Variants in TSPAN9 observed in about 807,000 individuals in gnomAD.
The protein encoded by TSPAN9 is tetraspanin-9.
In TSPAN9, 16 loss-of-function variants were observed where a neutral mutation model predicts 31.0. The ratio of observed to expected loss-of-function variants is 0.52; its 90% CI spans 0.35 to 0.78. The LOEUF (loss-of-function observed/expected upper bound fraction) is 0.78, where lower values mean the gene tolerates loss of function less well. TSPAN9 is among the 30% of genes least tolerant of loss of function. The pLI is 0.01. For missense variants in TSPAN9, 272 were observed against 312.5 expected (o/e 0.87, Z 0.98); for synonymous variants, 145 against 121.6 (o/e 1.19, Z -1.27).
At chr12:3,150,738 T>A (rs566820969) in intron 2 of TSPAN9, among the ~76,000 whole-genome samples, 1 of 152,192 alleles carries the variant, frequency 6.6e-6, no homozygotes, top group African/African-American at 2.4e-5. Flanking sequence ...TTCAGGGTGC[T>A]GAGTTCCAGG....
At chr12:3,160,246 G>A (rs771268710) in intron 2 of TSPAN9, among the ~76,000 whole-genome samples, 3 of 152,114 alleles carry the variant, frequency 2.0e-5, no homozygotes, top group Admixed American at 6.5e-5. Context: ...AGGTTTTCAG[G>A]GTTCATCCAT....
At chr12:3,257,155 T>A (rs1174032110) in intron 3 of TSPAN9, among the ~76,000 whole-genome samples, 1 of 152,052 alleles carries the variant, frequency 6.6e-6, no homozygotes, top group African/African-American at 2.4e-5. Context: ...GCTCTGTGGG[T>A]CTTGGGCTTT....
chr12:3,078,036 CAAG>C (rs2098295977), intron 1 of TSPAN9, among the ~76,000 whole-genome samples: 1 of 152,204 alleles, frequency 6.6e-6, no homozygotes, highest in African/African-American at 2.4e-5. Context: ...AAGATCCAAA[CAAG>C]AAACCGGCTT....
chr12:3,230,987 A>G (rs75111305), intron 3 of TSPAN9, among the ~76,000 whole-genome samples: 4,594 of 152,248 alleles, frequency 0.03, 215 homozygotes, highest in African/African-American at 0.1. Context: ...GGTGTATGCT[A>G]TAAAGGGCCC....
intron 2 of TSPAN9, among the ~76,000 whole-genome samples, chr12:3,152,915 C>T (rs1479620705): frequency 6.6e-6 from 1 of 152,210 alleles, no homozygotes; most frequent in Non-Finnish European, 1.5e-5. Flanking sequence ...TATGCTGCAT[C>T]AGAAGACAGG....
chr12:3,231,326 A>G (rs2098390661), intron 3 of TSPAN9, among the ~76,000 whole-genome samples: 1 of 152,134 alleles, frequency 6.6e-6, no homozygotes, highest in South Asian at 2.1e-4. Context: ...AGTTCACTTG[A>G]GCCCTAGGAT....
At chr12:3,155,280 T>C (rs1167528809) in intron 2 of TSPAN9, among the ~76,000 whole-genome samples, 2 of 152,012 alleles carry the variant, frequency 1.3e-5, no homozygotes, top group Non-Finnish European at 2.9e-5. Context: ...TCATGGGGTG[T>C]GGGAGAGGCA....
At chr12:3,281,133 A>G (rs1354793758) in intron 6 of TSPAN9, 65 bp from the exon 7 acceptor site, 12 of 1,543,646 alleles carry the variant, frequency 7.8e-6, no homozygotes, top group Non-Finnish European at 1.0e-5. Flanking sequence ...GGGCAGGGGA[A>G]GGCCCTGGGG....
At chr12:3,166,127 T>C (rs7967034) in intron 2 of TSPAN9, among the ~76,000 whole-genome samples, 226 of 152,310 alleles carry the variant, frequency 1.5e-3, no homozygotes, top group African/African-American at 5.2e-3. Flanking sequence ...TTGATGAAAA[T>C]GGTTGAAATG....
intron 2 of TSPAN9, among the ~76,000 whole-genome samples, chr12:3,184,433 GAGAAAGAA>G (rs1018548545): frequency 1.3e-5 from 2 of 151,582 alleles, no homozygotes; most frequent in Admixed American, 1.3e-4. Flanking sequence ...AAGAGAGAGA[GAGAAAGAA>G]AGAGAGAAAG....
chr12:3,227,995 C>G (rs370666151), intron 3 of TSPAN9, among the ~76,000 whole-genome samples: 1 of 152,138 alleles, frequency 6.6e-6, no homozygotes. Flanking sequence ...AGAAAGGCAG[C>G]TAAAATTCAT....
At chr12:3,231,830 C>T (rs562823692) in intron 3 of TSPAN9, among the ~76,000 whole-genome samples, 8 of 152,370 alleles carry the variant, frequency 5.3e-5, no homozygotes, top group Admixed American at 2.0e-4. Context: ...CACCCGCTGT[C>T]GCGTGCATGC....
chr12:3,222,109 C>T (rs1362171599), intron 3 of TSPAN9, among the ~76,000 whole-genome samples: 4 of 152,148 alleles, frequency 2.6e-5, no homozygotes, highest in Non-Finnish European at 5.9e-5. Flanking sequence ...ACAGGGTTCT[C>T]TAACTGTCTT....
intron 3 of TSPAN9, among the ~76,000 whole-genome samples, chr12:3,236,519 C>T (rs766666164): frequency 3.3e-5 from 5 of 152,186 alleles, no homozygotes; most frequent in Non-Finnish European, 7.3e-5. Flanking sequence ...CCTTCGCTGC[C>T]ACCAGGATGC....
chr12:3,104,684 C>T (rs1423048174), intron 2 of TSPAN9, among the ~76,000 whole-genome samples: 2 of 152,158 alleles, frequency 1.3e-5, no homozygotes, highest in African/African-American at 2.4e-5. Context: ...AAGTGCTTAT[C>T]GTGTGCCTGG....
intron 2 of TSPAN9, among the ~76,000 whole-genome samples, chr12:3,119,842 C>T (rs912716205): frequency 6.6e-6 from 1 of 152,140 alleles, no homozygotes; most frequent in African/African-American, 2.4e-5. Flanking sequence ...CCAGGTTGGG[C>T]TAGGGCAGGA....
Position 3,281,732 on chromosome 12 carries a change from A to C in TSPAN9, c.565-2A>C. On this transcript the variant is annotated splice_acceptor_variant, in intron 7 of 8. Coordinates refer to ENST00000011898, the MANE Select transcript of TSPAN9 (RefSeq NM_006675.5). LOFTEE classifies it high-confidence loss of function. ...CCTAACCTCGTGGGCCTCGCTCCCC[A>C]GGGCTGCTATGAAAAGGTGAAGATG... 1 of 1,611,872 alleles carries C rather than the reference A, an allele frequency of 6.2e-7. No homozygotes were observed. Among genetic ancestry groups the C allele is most frequent in the Non-Finnish European group, 8.5e-7 (1 of 1,178,086 alleles).
rs1031923463 is a variant in TSPAN9 at position 3,202,375 on chromosome 12, C to T, written c.63+1119C>T. On this transcript the variant is annotated intron_variant, in intron 3 of 8. Transcript: ENST00000011898. ...TGAAGTTGGGAAGAAGCAGTTGTGC[C>T]GAAGAGGCATTCAGCTTTTGTGTGG... Among the ~76,000 whole-genome samples, 7 of 152,252 alleles carry T rather than the reference C, an allele frequency of 4.6e-5. No homozygotes were observed. In the South Asian group the frequency reaches 8.3e-4, roughly 18 times the overall value.
intron 2 of TSPAN9, among the ~76,000 whole-genome samples, chr12:3,184,333 G>A (rs569666044): frequency 6.6e-6 from 1 of 152,186 alleles, no homozygotes; most frequent in African/African-American, 2.4e-5. Flanking sequence ...AGGAAGTGGA[G>A]GCTGCAGTGA....
Sources: gnomAD v4.1 joint callset for allele counts (sites outside exome capture counted in the v4.1 genomes callset) on GRCh38, gnomAD v4.1.1 for gene constraint, MANE v1.5 for transcripts, NCBI Gene and HGNC (gene_info 2026-07-23, HGNC 2026-07-21) for gene names.